RYR2: variants seen among roughly 807,000 people sequenced by gnomAD.
RYR2 encodes cardiac muscle ryanodine receptor-calcium release channel.
Under a neutral mutation model 601.1 loss-of-function variants are expected in RYR2, and 227 were observed. That is an observed-to-expected ratio of 0.38 (90% confidence interval 0.34 to 0.42). RYR2 has a LOEUF of 0.42. Among genes scored for constraint, RYR2 ranks in the 10% least tolerant of loss-of-function variants. RYR2 has a pLI of 1.00. For missense variants in RYR2, 4,646 were observed against 6,156.5 expected, an observed-to-expected ratio of 0.75 and a Z score of 8.21; for synonymous variants, 2,223 against 2,175.1, an observed-to-expected ratio of 1.02 and a Z score of -0.61.
Position 237,454,490 on chromosome 1 carries a change from C to G in RYR2, c.1392C>G (p.His464Gln). 6.2e-7 allele frequency: 1 copy of G among 1,612,356 alleles called. No homozygotes were observed. The highest frequency in any genetic ancestry group is 8.5e-7 in the Non-Finnish European group (1 of 1,178,672). ...TGCAGGATCTCATTGGCTACTTCCA[C>G]CCCCCAGATGAGCATTTAGAGCATG... is the stretch of plus-strand genomic sequence containing the variant. The part of the protein sequence containing the change: ...LSLQDLIGYF[H>Q]PPDEHLEHED... Residue 464 changes from histidine (H) to glutamine (Q), a missense_variant, in exon 15 of 105, where the codon CAC (histidine) becomes CAG (glutamine). Physicochemically the swap from His to Gln is conservative, Grantham distance 24. Transcript: ENST00000366574.
intron 1 of RYR2, among the ~76,000 whole-genome samples, chr1:237,253,547 A>G (rs1687676577): frequency 6.6e-6 from 1 of 152,246 alleles, no homozygotes; most frequent in South Asian, 2.1e-4. Context: ...AACTTGTATC[A>G]TGATTTTGCT....
intron 91 of RYR2, among the ~76,000 whole-genome samples, chr1:237,786,438 A>G (rs1657580383): frequency 6.6e-6 from 1 of 152,208 alleles, no homozygotes. Context: ...CTTTCATAGA[A>G]TCCTGTGGAG....
At chr1:237,760,392 C>T (rs1040342366) in intron 83 of RYR2, among the ~76,000 whole-genome samples, 13 of 150,330 alleles carry the variant, frequency 8.6e-5, no homozygotes, top group South Asian at 2.1e-4. Flanking sequence ...AAGCCTTCCC[C>T]GTGTTTAAAT....
chr1:237,588,693 C>T (rs188326080), intron 29 of RYR2, among the ~76,000 whole-genome samples: 7 of 152,182 alleles, frequency 4.6e-5, no homozygotes, highest in African/African-American at 1.2e-4. Context: ...ATTAGCCGGA[C>T]GCAGTGGCGT....
rs541324549 is a variant in RYR2 at position 237,409,843 on chromosome 1, C to G, written c.774-7206C>G. On this transcript the variant is annotated intron_variant, in intron 10 of 104. Transcript: ENST00000366574. ...TGAATTGGCAAGGAAATCTTCAGAG[C>G]CTGGTAAACTGTTTTCTCTACTTTT... is the stretch of plus-strand genomic sequence containing the variant. Among the ~76,000 whole-genome samples, 3 of 152,110 alleles carry G rather than the reference C, an allele frequency of 2.0e-5. No homozygotes were observed. The South Asian group carries it at 6.2e-4, about 32-fold the overall frequency.
At chr1:237,112,258 C>A (rs986606316) in intron 1 of RYR2, among the ~76,000 whole-genome samples, 1 of 152,090 alleles carries the variant, frequency 6.6e-6, no homozygotes, top group Non-Finnish European at 1.5e-5. Flanking sequence ...GGATTACAAG[C>A]GTCCACCACC....
intron 20 of RYR2, among the ~76,000 whole-genome samples, chr1:237,498,280 C>T (rs749321267): frequency 2.6e-5 from 4 of 152,070 alleles, no homozygotes; most frequent in African/African-American, 4.8e-5. Flanking sequence ...CCTCACAGTA[C>T]TGTAGACTGC....
chr1:237,620,663 A>C (rs1382759236), intron 38 of RYR2, among the ~76,000 whole-genome samples: 6 of 152,166 alleles, frequency 3.9e-5, no homozygotes, highest in Non-Finnish European at 8.8e-5. Context: ...TATGTTACAT[A>C]AAGTTGACTT....
At chr1:237,649,561 T>C (rs1446904124) in intron 49 of RYR2, among the ~76,000 whole-genome samples, 1 of 152,154 alleles carries the variant, frequency 6.6e-6, no homozygotes, top group African/African-American at 2.4e-5. Context: ...AATACTCACA[T>C]CTGTGATATT....
Position 237,591,908 on chromosome 1 carries a change from C to T in RYR2, c.4275+55C>T, listed in dbSNP as rs1043160633. ...TCTATCTGTCACTCATTATGTTTTACATCTCCAGTAATACATACCGATTCA... is the reference window on the plus strand; with the variant it reads ...TCTATCTGTCACTCATTATGTTTTATATCTCCAGTAATACATACCGATTCA... On this transcript the variant is annotated intron_variant, in intron 32 of 104. Coordinates refer to ENST00000366574, the MANE Select transcript of RYR2 (RefSeq NM_001035.3). 5.3e-5 allele frequency: 63 copies of T among 1,192,914 alleles called. 1 individual carries two copies. The African/African-American group carries it at 8.3e-4, about 16-fold the overall frequency. 73.9% of individuals were successfully genotyped at this position (1,192,914 alleles called of 1,614,324 possible). A position where few individuals can be genotyped will look rare whatever the true frequency, so the allele number is the denominator to read the frequency against.
Position 237,536,016 on chromosome 1 carries a change from A to T in RYR2, c.2906+5506A>T, listed in dbSNP as rs893630764. Among the ~76,000 whole-genome samples, 3 of 152,198 alleles carry T rather than the reference A, an allele frequency of 2.0e-5. No individual in the cohort carries two copies. The East Asian group carries it at 5.8e-4, about 29-fold the overall frequency. ...CTTTAAGGTTTAGGAATGAGACAATATAAGTCACTACTACTTGATGTATTC... is the reference window on the plus strand; with the variant it reads ...CTTTAAGGTTTAGGAATGAGACAATTTAAGTCACTACTACTTGATGTATTC... On this transcript the variant is annotated intron_variant, in intron 25 of 104. Transcript: ENST00000366574.
chr1:237,753,524 C>T (rs1297503405), intron 80 of RYR2, among the ~76,000 whole-genome samples: 1 of 152,190 alleles, frequency 6.6e-6, no homozygotes, highest in African/African-American at 2.4e-5. Flanking sequence ...TGACCATATT[C>T]GACCTTGGAA....
intron 1 of RYR2, among the ~76,000 whole-genome samples, chr1:237,127,774 A>G (rs1478834224): frequency 4.1e-5 from 6 of 147,990 alleles, no homozygotes; most frequent in African/African-American, 1.5e-4. Flanking sequence ...CGCTCCTCAC[A>G]TCCCAGACAA....
intron 11 of RYR2, 37 bp from the exon 12 acceptor site, chr1:237,423,055 G>C: frequency 6.3e-7 from 1 of 1,585,014 alleles, no homozygotes; most frequent in Non-Finnish European, 8.6e-7. Context: ...CTGTGATTGT[G>C]GGTGCTATTG....
intron 35 of RYR2, among the ~76,000 whole-genome samples, chr1:237,609,351 C>A (rs1477993847): frequency 7.1e-6 from 1 of 141,344 alleles, no homozygotes; most frequent in African/African-American, 2.6e-5. Context: ...TCCCTCCCTC[C>A]CCCCTTCTCC....
intron 84 of RYR2, among the ~76,000 whole-genome samples, chr1:237,763,641 G>A (rs546064155): frequency 1.4e-4 from 21 of 152,306 alleles, no homozygotes; most frequent in African/African-American, 3.8e-4. Flanking sequence ...AATAAGGGAT[G>A]AGATTTTAGA....
intron 1 of RYR2, among the ~76,000 whole-genome samples, chr1:237,228,055 G>A (rs1684589626): frequency 6.6e-6 from 1 of 151,868 alleles, no homozygotes; most frequent in Non-Finnish European, 1.5e-5. Context: ...TGACTTGTGA[G>A]ATTTTGGTAC....
At chr1:237,384,850 A>G (rs995748564) in intron 8 of RYR2, among the ~76,000 whole-genome samples, 2 of 152,130 alleles carry the variant, frequency 1.3e-5, no homozygotes, top group African/African-American at 2.4e-5. Context: ...CAGCATTTTT[A>G]AAGGCTTTTT....
chr1:237,637,938 A>G (rs1460328621), intron 44 of RYR2, among the ~76,000 whole-genome samples: 1 of 152,150 alleles, frequency 6.6e-6, no homozygotes, highest in Admixed American at 6.5e-5. Context: ...TTGTGGGTAG[A>G]TGAAAACAGA....
Sources: gnomAD v4.1 joint callset for allele counts (sites outside exome capture counted in the v4.1 genomes callset) on GRCh38, gnomAD v4.1.1 for gene constraint, MANE v1.5 for transcripts, NCBI Gene and HGNC (gene_info 2026-07-23, HGNC 2026-07-21) for gene names.